The following TTC29 variants were observed in gnomAD, a reference collection of about 807,000 sequenced individuals.
The protein encoded by TTC29 is tetratricopeptide repeat protein 29.
TTC29 carries 49 observed loss-of-function variants against 58.1 expected under a neutral mutation model. The ratio of observed to expected loss-of-function variants is 0.84; its 90% confidence interval spans 0.67 to 1.07. The LOEUF (loss-of-function observed/expected upper bound fraction) is 1.07. TTC29 is among the 50% of genes least tolerant of loss of function. The pLI is 0.00. For synonymous variants in TTC29, 209 were observed against 196.8 expected, an observed-to-expected ratio of 1.06 and a Z score of -0.52; for missense variants, 582 against 555.6, an observed-to-expected ratio of 1.05 and a Z score of -0.48.
chr4:146,867,881 C>T (rs531222964), intron 7 of TTC29, among the ~76,000 whole-genome samples: 29 of 151,834 alleles, frequency 1.9e-4, no homozygotes, highest in African/African-American at 6.8e-4. Context: ...AAGGGGTTTC[C>T]CTTTATAAAC....
intron 11 of TTC29, among the ~76,000 whole-genome samples, chr4:146,759,153 A>C (rs975857300): frequency 6.6e-6 from 1 of 152,138 alleles, no homozygotes. Context: ...AGATATTACA[A>C]CTGACACCAC....
chr4:146,817,418 C>G (rs868543796), intron 10 of TTC29, among the ~76,000 whole-genome samples: 1 of 151,988 alleles, frequency 6.6e-6, no homozygotes, highest in Non-Finnish European at 1.5e-5. Flanking sequence ...AACCACTGCT[C>G]AATGAAATAA....
intron 5 of TTC29, among the ~76,000 whole-genome samples, chr4:146,907,240 A>G (rs1733580939): frequency 6.6e-6 from 1 of 152,188 alleles, no homozygotes; most frequent in Non-Finnish European, 1.5e-5. Flanking sequence ...CAAATAGACT[A>G]TTTGGCATTT....
At chr4:146,908,707 T>C (rs191586711) in intron 5 of TTC29, among the ~76,000 whole-genome samples, 21 of 152,298 alleles carry the variant, frequency 1.4e-4, no homozygotes, top group African/African-American at 4.8e-4. Context: ...AGATTACGTA[T>C]ACAGAAAAAC....
At position 146,715,121 on chromosome 4, in the gene TTC29, AGCTAACATGCCTG is replaced by A. The variant is rs560908769; in HGVS notation, c.1331-7583_1331-7571del. 4.3e-3 allele frequency among the ~76,000 whole-genome samples: 657 copies of A among 152,200 alleles called. 6 individuals carry two copies. The highest frequency in any genetic ancestry group is 0.015 in the African/African-American group (637 of 41,530). On this transcript the variant is annotated intron_variant, in intron 11 of 12. Coordinates refer to ENST00000325106, the MANE Select transcript of TTC29 (RefSeq NM_031956.4). ...CCAAAGTGTTGGGATGACAGGCATG[AGCTAACATGCCTG>A]GCCTATAAGATTCTTATACTATGTT... is the stretch of plus-strand genomic sequence containing the variant.
At chr4:146,811,969 T>C (rs1751054128) in intron 10 of TTC29, among the ~76,000 whole-genome samples, 1 of 152,220 alleles carries the variant, frequency 6.6e-6, no homozygotes, top group Non-Finnish European at 1.5e-5. Context: ...AACTTTTGTT[T>C]GCTGAGGTGA....
intron 11 of TTC29, among the ~76,000 whole-genome samples, chr4:146,747,968 G>A (rs191611014): frequency 9.2e-5 from 14 of 152,300 alleles, no homozygotes; most frequent in Non-Finnish European, 1.3e-4. Context: ...CCACCCGCTG[G>A]AGCCCAAGTC....
intron 8 of TTC29, among the ~76,000 whole-genome samples, chr4:146,865,681 CA>C (rs1375128993): frequency 6.6e-6 from 1 of 152,040 alleles, no homozygotes. Flanking sequence ...TAAATAAATA[CA>C]ATGAGACTCG....
chr4:146,724,390 A>T (rs574799601), intron 11 of TTC29, among the ~76,000 whole-genome samples: 35 of 152,288 alleles, frequency 2.3e-4, no homozygotes, highest in African/African-American at 8.4e-4. Flanking sequence ...TTGAAATTAT[A>T]AAAAAAGATA....
At chr4:146,912,455 C>T (rs1733959379) in intron 4 of TTC29, among the ~76,000 whole-genome samples, 1 of 152,066 alleles carries the variant, frequency 6.6e-6, no homozygotes, top group African/African-American at 2.4e-5. Context: ...TCTAGTAACT[C>T]TACTCCCCTG....
intron 11 of TTC29, among the ~76,000 whole-genome samples, chr4:146,764,749 G>C (rs75491182): frequency 0.014 from 2,118 of 152,186 alleles, 55 homozygotes; most frequent in African/African-American, 0.048. Flanking sequence ...CTTTAACAAT[G>C]TTGAGTAAAG....
At chr4:146,751,630 A>C (rs1192373734) in intron 11 of TTC29, among the ~76,000 whole-genome samples, 1 of 152,230 alleles carries the variant, frequency 6.6e-6, no homozygotes, top group Non-Finnish European at 1.5e-5. Context: ...AGGGTAATTA[A>C]AAATACGCCA....
chr4:146,848,338 AT>A (rs1390594914), intron 8 of TTC29, among the ~76,000 whole-genome samples: 1 of 152,246 alleles, frequency 6.6e-6, no homozygotes, highest in Non-Finnish European at 1.5e-5. Flanking sequence ...ATGCTAAGAA[AT>A]AATGTTTTTA....
At chr4:146,936,117 T>C (rs1267408867) in intron 4 of TTC29, among the ~76,000 whole-genome samples, 1 of 152,206 alleles carries the variant, frequency 6.6e-6, no homozygotes, top group African/African-American at 2.4e-5. Context: ...GAGAATATTG[T>C]AGTAAGGCCT....
chr4:146,851,372 G>A (rs1729506433), intron 8 of TTC29, among the ~76,000 whole-genome samples: 1 of 152,048 alleles, frequency 6.6e-6, no homozygotes, highest in Non-Finnish European at 1.5e-5. Context: ...TGATTCCAAG[G>A]GGCCAACCTC....
At chr4:146,741,949 C>T (rs73855642) in intron 11 of TTC29, among the ~76,000 whole-genome samples, 7,324 of 152,224 alleles carry the variant, frequency 0.048, 601 homozygotes, top group African/African-American at 0.17. Flanking sequence ...AACTTTATCA[C>T]AATGGGAGTT....
intron 11 of TTC29, among the ~76,000 whole-genome samples, chr4:146,771,439 T>C (rs1747719405): frequency 6.6e-6 from 1 of 152,044 alleles, no homozygotes; most frequent in South Asian, 2.1e-4. Context: ...AGGCCGAGTG[T>C]CTGCTGTTTC....
rs936620361 is a variant in TTC29, at chr4:146,846,120, GA to G, written c.886-12224del. Among the ~76,000 whole-genome samples, 9 of 150,134 alleles carry G rather than the reference GA, an allele frequency of 6.0e-5. No individual in the cohort carries two copies. In the South Asian group the frequency reaches 6.3e-4, roughly 10 times the overall value. ...TTGCATTCTACCGCATTCAATAAGA[GA>G]AAAAAAAATGACAGTTTATACCTAT... On this transcript the variant is annotated intron_variant, in intron 8 of 12. Transcript: ENST00000325106.
At chr4:146,833,961 A>C in intron 8 of TTC29, 64 bp from the exon 9 acceptor site, 20 of 1,127,966 alleles carry the variant, frequency 1.8e-5, no homozygotes, top group Non-Finnish European at 2.5e-5. Flanking sequence ...GTTTCATTTC[A>C]TAACAGAAAA....
Sources: allele counts gnomAD v4.1 joint callset (sites outside exome capture counted in the v4.1 genomes callset), GRCh38; gene constraint gnomAD v4.1.1; transcripts MANE v1.5; gene names NCBI Gene and HGNC (gene_info 2026-07-23, HGNC 2026-07-21).